HACE1: variants seen among roughly 807,000 people sequenced by gnomAD.
HACE1 encodes the protein E3 ubiquitin-protein ligase HACE1.
A neutral mutation model predicts 118.4 loss-of-function variants in HACE1; 73 were observed. That is an observed-to-expected ratio of 0.62 (90% CI 0.51 to 0.75). HACE1 has a LOEUF of 0.75. Among genes scored for constraint, HACE1 ranks in the 30% least tolerant of loss-of-function variants. HACE1 has a pLI of 0.00. For missense variants in HACE1, 749 were observed against 1,102.2 expected (o/e 0.68, Z 4.54); for synonymous variants, 368 against 374.8 (o/e 0.98, Z 0.21).
intron 6 of HACE1, among the ~76,000 whole-genome samples, chr6:104,822,420 G>A (rs934097666): frequency 1.8e-4 from 27 of 151,490 alleles, no homozygotes; most frequent in Middle Eastern, 3.4e-3. Context: ...AGGTGTGGTG[G>A]TGTGTGCCTG....
rs117382733 is a variant in HACE1 at position 104,803,145 on chromosome 6, G to A, written c.618-6120C>T. Among the ~76,000 whole-genome samples the A allele has an allele frequency of 7.7e-3, 1,169 of 152,046 alleles. 7 individuals carry two copies. The highest frequency in any genetic ancestry group is 0.012 in the Non-Finnish European group (829 of 67,902). Reference sequence around the variant, plus strand: ...CGAATAAATTGGACTAAACCAGGAAGAAGTTGAATCTCTGAACACACCAAT... The same window carrying A: ...CGAATAAATTGGACTAAACCAGGAAAAAGTTGAATCTCTGAACACACCAAT... On this transcript the variant is annotated intron_variant, in intron 7 of 23. Transcript: ENST00000262903.
chr6:104,739,310 A>G (rs556211244), intron 22 of HACE1, among the ~76,000 whole-genome samples: 10 of 152,302 alleles, frequency 6.6e-5, no homozygotes, highest in South Asian at 2.1e-4. Flanking sequence ...AAATTCACAC[A>G]TAACAATATT....
intron 22 of HACE1, among the ~76,000 whole-genome samples, chr6:104,734,700 C>CT: frequency 6.6e-6 from 1 of 152,260 alleles, no homozygotes; most frequent in East Asian, 1.9e-4. Flanking sequence ...CACTTCATAA[C>CT]TAAATAATAA....
intron 9 of HACE1, among the ~76,000 whole-genome samples, chr6:104,796,068 C>A (rs542820947): frequency 7.9e-5 from 12 of 152,156 alleles, no homozygotes; most frequent in African/African-American, 2.9e-4. Flanking sequence ...TCCACAGAGT[C>A]TTTTCCTCTT....
At chr6:104,824,468 G>A (rs771831766) in intron 6 of HACE1, among the ~76,000 whole-genome samples, 2 of 152,176 alleles carry the variant, frequency 1.3e-5, no homozygotes, top group African/African-American at 2.4e-5. Flanking sequence ...CTGTTCATGT[G>A]TGCCCAAAGG....
At chr6:104,851,793 C>A (rs574828920) in intron 2 of HACE1, among the ~76,000 whole-genome samples, 31 of 152,094 alleles carry the variant, frequency 2.0e-4, no homozygotes, top group Non-Finnish European at 3.2e-4. Context: ...CTTCTTATAT[C>A]AAAAAATTCA....
At chr6:104,841,589 A>C (rs1431837009) in intron 5 of HACE1, among the ~76,000 whole-genome samples, 2 of 152,188 alleles carry the variant, frequency 1.3e-5, no homozygotes, top group African/African-American at 4.8e-5. Context: ...ATCATGATTG[A>C]GTTTATTCTA....
intron 14 of HACE1, among the ~76,000 whole-genome samples, chr6:104,781,111 C>A (rs892953830): frequency 1.3e-5 from 2 of 152,106 alleles, no homozygotes; most frequent in Non-Finnish European, 2.9e-5. Context: ...CACCCTTTTT[C>A]TCTTTGCAAT....
intron 22 of HACE1, chr6:104,731,262 A>G (rs1775169768): frequency 1.3e-5 from 2 of 152,150 alleles, no homozygotes; most frequent in Non-Finnish European, 2.9e-5. Flanking sequence ...AATTAGAAAA[A>G]TGACAAAGGA....
chr6:104,844,034 G>GTT (rs1168939477), intron 4 of HACE1, among the ~76,000 whole-genome samples: 17 of 140,570 alleles, frequency 1.2e-4, no homozygotes, highest in Admixed American at 1.4e-4. Flanking sequence ...TTTTGTATGG[G>GTT]TTTTTTTTTT....
At chr6:104,839,186 A>G (rs1774848976) in intron 5 of HACE1, among the ~76,000 whole-genome samples, 1 of 152,146 alleles carries the variant, frequency 6.6e-6, no homozygotes, top group Admixed American at 6.5e-5. Flanking sequence ...ACGGAAAACA[A>G]CTGCATTCCT....
At chr6:104,856,312 C>T (rs1370557814) in intron 1 of HACE1, among the ~76,000 whole-genome samples, 1 of 152,102 alleles carries the variant, frequency 6.6e-6, no homozygotes, top group Non-Finnish European at 1.5e-5. Context: ...TTTTTTTAAA[C>T]ACAATTATCC....
chr6:104,755,906 C>T (rs1778566832), intron 19 of HACE1, among the ~76,000 whole-genome samples: 1 of 152,118 alleles, frequency 6.6e-6, no homozygotes, highest in Non-Finnish European at 1.5e-5. Flanking sequence ...CCAATGCTGG[C>T]AGAAGACAAG....
chr6:104,801,173 G>A (rs1770298507), intron 7 of HACE1, among the ~76,000 whole-genome samples: 1 of 152,100 alleles, frequency 6.6e-6, no homozygotes, highest in Admixed American at 6.5e-5. Context: ...GAGAAAAAAA[G>A]AGCAAAAAGA....
intron 6 of HACE1, among the ~76,000 whole-genome samples, chr6:104,817,446 T>C (rs1345090580): frequency 1.3e-5 from 2 of 152,176 alleles, no homozygotes; most frequent in African/African-American, 4.8e-5. Context: ...TGATTCCCCT[T>C]AACCTTCCAC....
chr6:104,735,403 C>A (rs981936319), intron 22 of HACE1, among the ~76,000 whole-genome samples: 1 of 151,982 alleles, frequency 6.6e-6, no homozygotes, highest in Non-Finnish European at 1.5e-5. Context: ...GAGGCCGAGG[C>A]GGGCAGATCA....
intron 19 of HACE1, among the ~76,000 whole-genome samples, chr6:104,763,992 G>A (rs1404051948): frequency 6.6e-6 from 1 of 151,376 alleles, no homozygotes; most frequent in Non-Finnish European, 1.5e-5. Flanking sequence ...GGTTGTAGTG[G>A]GCCGAGATCC....
At chr6:104,732,472 T>A (rs1446441442) in intron 22 of HACE1, 1 of 152,222 alleles carries the variant, frequency 6.6e-6, no homozygotes, top group Non-Finnish European at 1.5e-5. Context: ...TATGATTCCA[T>A]GTATACGAAG....
chr6:104,760,951 CTA>C (rs1257589672), intron 19 of HACE1, among the ~76,000 whole-genome samples: 4 of 152,212 alleles, frequency 2.6e-5, no homozygotes, highest in African/African-American at 9.6e-5. Context: ...TTCACAATTA[CTA>C]TTAAGAGAAT....
Sources: allele counts gnomAD v4.1 joint callset (sites outside exome capture counted in the v4.1 genomes callset), GRCh38; gene constraint gnomAD v4.1.1; transcripts MANE v1.5; gene names NCBI Gene and HGNC (gene_info 2026-07-23, HGNC 2026-07-21).